CCDC171: variants seen among roughly 807,000 people sequenced by gnomAD.
CCDC171 encodes coiled-coil domain containing 171.
Under a neutral mutation model 168.2 loss-of-function variants are expected in CCDC171, and 177 were observed. The observed-to-expected ratio is 1.05, with a 90% CI of 0.93 to 1.19. The LOEUF is 1.19. Among genes scored for constraint, CCDC171 ranks in the 50% most tolerant of loss-of-function variants. CCDC171 has a pLI of 0.00. For synonymous variants in CCDC171, 687 were observed against 540.8 expected (o/e 1.27, Z -3.75); for missense variants, 1,991 against 1,539.0 (o/e 1.29, Z -4.91).
intron 24 of CCDC171, among the ~76,000 whole-genome samples, chr9:15,910,656 C>G (rs903517713): frequency 6.6e-6 from 1 of 152,080 alleles, no homozygotes; most frequent in Non-Finnish European, 1.5e-5. Context: ...ATCAACTCAT[C>G]ACCTACATTA....
In CCDC171 at chr9:15,992,571, A is replaced by C. The variant is rs541879778; in HGVS notation, n.369-28018A>C. Among the ~76,000 whole-genome samples, 4 of 152,312 alleles carry C rather than the reference A, an allele frequency of 2.6e-5. No individual in the cohort carries two copies. In the South Asian group the frequency reaches 8.3e-4, roughly 32 times the overall value. On this transcript the variant is annotated intron_variant and non_coding_transcript_variant, in intron 3 of 9. Transcript: ENST00000486641. The stretch of plus-strand genomic sequence containing the variant: ...CCCTCTCTCACCACTCCTATTCAAC[A>C]TGCTGTTGGAAGTTCTGGCCAGGGC...
chr9:15,631,675 C>A (rs945542577), intron 7 of CCDC171, among the ~76,000 whole-genome samples: 1 of 152,162 alleles, frequency 6.6e-6, no homozygotes, highest in Non-Finnish European at 1.5e-5. Flanking sequence ...TTTTATGAGG[C>A]CAGCATCATT....
In CCDC171 at chr9:15,677,183, A is replaced by G. The variant is rs192589337; in HGVS notation, c.1077-1575A>G. 2.9e-4 allele frequency among the ~76,000 whole-genome samples: 44 copies of G among 152,128 alleles called. 1 individual carries two copies. The highest frequency in any genetic ancestry group is 1.9e-3 in the Admixed American group (29 of 15,266). ...TTCATCTTTCTCTGGACTCCTTTAT[A>G]TGTTGGGACTCCTGGATTGATTTTC... On this transcript the variant is annotated intron_variant, in intron 9 of 25. Transcript: ENST00000380701.
In CCDC171 at chr9:15,972,685, C is replaced by CTT. The variant is rs1831465757; in HGVS notation, c.*854_*855dup. 6.6e-6 allele frequency: 1 copy of CTT among 152,034 alleles called. No homozygotes were observed. The highest frequency in any genetic ancestry group is 2.4e-5 in the African/African-American group (1 of 41,398). The allele number at this position is 152,034 out of a possible 1,614,324, so 9.4% of individuals were successfully genotyped here. On this transcript the variant is annotated 3_prime_UTR_variant, in exon 26 of 26. Coordinates refer to ENST00000380701, the MANE Select transcript of CCDC171 (RefSeq NM_173550.4). ...CTGTTTTGACCTTCAAAATAGACTC[C>CTT]TTTTTTGTTTTTGTTGTTGGTAGGA... is the stretch of plus-strand genomic sequence containing the variant.
At position 15,713,503 on chromosome 9, in the gene CCDC171, T is replaced by C. The variant is rs938565547; in HGVS notation, c.1319-8266T>C. The stretch of plus-strand genomic sequence containing the variant: ...CATTTGATGATAGAGTGCTCTTGTG[T>C]ATGCCAAAATTTATGGATTGGTGGA... On this transcript the variant is annotated intron_variant, in intron 11 of 25. Transcript: ENST00000380701. Among the ~76,000 whole-genome samples, 3 of 152,292 alleles carry C rather than the reference T, an allele frequency of 2.0e-5. No homozygotes were observed. The East Asian group carries it at 5.8e-4, about 29-fold the overall frequency.
At chr9:15,754,518 C>G (rs954789647) in intron 18 of CCDC171, among the ~76,000 whole-genome samples, 1 of 152,092 alleles carries the variant, frequency 6.6e-6, no homozygotes, top group Non-Finnish European at 1.5e-5. Context: ...TAAATGAGCA[C>G]ACATGCGCAT....
In CCDC171 at chr9:15,794,358, G is replaced by A. The variant is rs374460151; in HGVS notation, c.3267+9664G>A. ...TGGGCACCTGCAATCCCAGCTAGTC[G>A]GGAGGCTGAGGCAGGAGAATCACTT... On this transcript the variant is annotated intron_variant, in intron 21 of 25. Transcript: ENST00000380701. Among the ~76,000 whole-genome samples, 6 of 152,108 alleles carry A rather than the reference G, an allele frequency of 3.9e-5. No individual in the cohort carries two copies. The East Asian group carries it at 5.8e-4, about 15-fold the overall frequency.
intron 1 of CCDC171, among the ~76,000 whole-genome samples, chr9:16,043,149 G>A (rs1263104823): frequency 1.3e-5 from 2 of 152,152 alleles, no homozygotes; most frequent in African/African-American, 2.4e-5. Context: ...GGGAAAAAAA[G>A]CAGATATATA....
chr9:15,638,840 T>A (rs930159303), intron 7 of CCDC171, among the ~76,000 whole-genome samples: 1 of 151,910 alleles, frequency 6.6e-6, no homozygotes, highest in Admixed American at 6.6e-5. Flanking sequence ...AAAAGCAAAC[T>A]GGAAAAAGAA....
rs567060519 is a variant in CCDC171 at position 15,610,192 on chromosome 9, A to G, written c.676-13075A>G. ...TTATTTTGAAGGTGTTTCTCCCCCCACCCCTCCCTTGATGGTCTTGTCTTC... is the reference window on the plus strand; with the variant it reads ...TTATTTTGAAGGTGTTTCTCCCCCCGCCCCTCCCTTGATGGTCTTGTCTTC... On this transcript the variant is annotated intron_variant, in intron 6 of 25. Transcript: ENST00000380701. Among the ~76,000 whole-genome samples, 16 of 149,774 alleles carry G rather than the reference A, an allele frequency of 1.1e-4. No homozygotes were observed. In the South Asian group the frequency reaches 3.4e-3, roughly 32 times the overall value.
At chr9:15,905,769 C>T (rs1822481469) in intron 24 of CCDC171, among the ~76,000 whole-genome samples, 1 of 152,112 alleles carries the variant, frequency 6.6e-6, no homozygotes. Flanking sequence ...GATTGATAGA[C>T]TGCTAGCAAG....
At chr9:15,672,866 A>G (rs1299065512) in intron 9 of CCDC171, among the ~76,000 whole-genome samples, 2 of 152,170 alleles carry the variant, frequency 1.3e-5, no homozygotes, top group Non-Finnish European at 2.9e-5. Context: ...ATGAACTTTA[A>G]AGTAGTTTTT....
chr9:15,901,566 T>G (rs973988213), intron 24 of CCDC171, among the ~76,000 whole-genome samples: 4 of 152,100 alleles, frequency 2.6e-5, no homozygotes, highest in Non-Finnish European at 5.9e-5. Context: ...CATCCTATAA[T>G]TTTTTTTATT....
At chr9:15,610,361 C>T (rs1002345706) in intron 6 of CCDC171, among the ~76,000 whole-genome samples, 4 of 142,198 alleles carry the variant, frequency 2.8e-5, no homozygotes, top group Non-Finnish European at 6.0e-5. Flanking sequence ...AATCCCAGCA[C>T]TTTGGGAGGC....
intron 18 of CCDC171, among the ~76,000 whole-genome samples, chr9:15,756,626 C>T (rs936654297): frequency 6.6e-6 from 1 of 152,170 alleles, no homozygotes; most frequent in African/African-American, 2.4e-5. Flanking sequence ...TAAGTAAAAA[C>T]ATGCGGTATT....
chr9:15,594,038 A>G lies in CCDC171; in HGVS notation c.544-3A>G. ...AGTAAAGCAAGATTTTATTTATATA[A>G]AGGAAGCGTTGGAAAAACATCAACG... On this transcript the variant is annotated splice_region_variant and splice_polypyrimidine_tract_variant and intron_variant, in intron 5 of 25. Transcript: ENST00000380701. The G allele has an allele frequency of 6.3e-7, 1 of 1,577,946 alleles. No individual in the cohort carries two copies. Among genetic ancestry groups the G allele is most frequent in the Non-Finnish European group, 8.6e-7 (1 of 1,160,278 alleles).
chr9:16,046,426 C>G (rs1187234956), intron 1 of CCDC171, among the ~76,000 whole-genome samples: 2 of 152,158 alleles, frequency 1.3e-5, no homozygotes, highest in Non-Finnish European at 2.9e-5. Flanking sequence ...CCATGTGCCA[C>G]TGATAGTATT....
chr9:16,089,963 C>T, the CCDC171 span, among the ~76,000 whole-genome samples: 5 of 152,168 alleles, frequency 3.3e-5, no homozygotes, highest in African/African-American at 1.2e-4. Context: ...AGCTTTGACA[C>T]TGTTGATGGG....
chr9:16,011,999 A>T (rs1013058672), intron 3 of CCDC171, among the ~76,000 whole-genome samples: 3 of 152,086 alleles, frequency 2.0e-5, no homozygotes, highest in African/African-American at 7.2e-5. Flanking sequence ...AGGGGAAGAG[A>T]TTGTCCTTTC....
Sources: gnomAD v4.1 joint callset for allele counts (sites outside exome capture counted in the v4.1 genomes callset) on GRCh38, gnomAD v4.1.1 for gene constraint, MANE v1.5 for transcripts, NCBI Gene and HGNC (gene_info 2026-07-23, HGNC 2026-07-21) for gene names.